NRCAM: variants seen among roughly 807,000 people sequenced by gnomAD.
NRCAM encodes neuronal cell adhesion molecule, also known as NgCAM-related cell adhesion molecule.
In NRCAM, 83 loss-of-function variants were observed where a neutral mutation model predicts 156.5. The observed-to-expected ratio is 0.53, with a 90% CI of 0.44 to 0.64. NRCAM has a LOEUF of 0.64. Ranked by LOEUF, NRCAM falls within the 30% of genes least tolerant of loss-of-function variation. The pLI, the probability that NRCAM is intolerant of heterozygous loss-of-function variation, is 0.00. For synonymous variants in NRCAM, 538 were observed against 563.9 expected (o/e 0.95, Z 0.65); for missense variants, 1,417 against 1,597.3 (o/e 0.89, Z 1.92).
chr7:108,265,835 T>A (rs2154019961), intron 3 of NRCAM, among the ~76,000 whole-genome samples: 1 of 152,342 alleles, frequency 6.6e-6, no homozygotes, highest in Non-Finnish European at 1.5e-5. Context: ...AGCATTCTCT[T>A]TTAATCATGC....
At chr7:108,433,480 T>G (rs76584000) in intron 1 of NRCAM, among the ~76,000 whole-genome samples, 1 of 152,162 alleles carries the variant, frequency 6.6e-6, no homozygotes, top group African/African-American at 2.4e-5. Context: ...ACGTTGAAAT[T>G]TGATCCCCAA....
chr7:108,456,528 T>C (rs1857571560), upstream of NRCAM: 2 of 150,946 alleles, frequency 1.3e-5, no homozygotes, highest in Non-Finnish European at 3.0e-5. Context: ...CTCCTTAGCG[T>C]CCTCCCGTCC....
intron 1 of NRCAM, among the ~76,000 whole-genome samples, chr7:108,420,521 A>AG (rs766009492): frequency 2.6e-5 from 4 of 152,114 alleles, no homozygotes; most frequent in Admixed American, 6.5e-5. Flanking sequence ...GTCCTTTACA[A>AG]GGGGGGGAGT....
intron 3 of NRCAM, among the ~76,000 whole-genome samples, chr7:108,254,125 T>C (rs1590158167): frequency 6.6e-6 from 1 of 152,184 alleles, no homozygotes; most frequent in Admixed American, 6.5e-5. Context: ...AGAAAAAAAC[T>C]GATAAACTTA....
At chr7:108,334,122 G>C (rs979694985) in intron 2 of NRCAM, among the ~76,000 whole-genome samples, 5 of 152,094 alleles carry the variant, frequency 3.3e-5, no homozygotes, top group Admixed American at 1.3e-4. Context: ...ACAACATCAA[G>C]AATTTTTGAA....
chr7:108,389,022 G>C (rs2099750893), intron 2 of NRCAM, among the ~76,000 whole-genome samples: 1 of 152,128 alleles, frequency 6.6e-6, no homozygotes, highest in Admixed American at 6.5e-5. Context: ...TTTTGACTTA[G>C]GTTTTTCTTG....
intron 30 of NRCAM, among the ~76,000 whole-genome samples, chr7:108,162,772 T>C (rs1247171670): frequency 6.6e-6 from 1 of 152,200 alleles, no homozygotes; most frequent in Non-Finnish European, 1.5e-5. Flanking sequence ...AATATGGTAA[T>C]AGGTGCATGT....
intron 2 of NRCAM, among the ~76,000 whole-genome samples, chr7:108,337,849 A>AC (rs1214716263): frequency 6.6e-6 from 1 of 152,158 alleles, no homozygotes; most frequent in African/African-American, 2.4e-5. Flanking sequence ...ACATTTAGCG[A>AC]CCACGAAGGG....
intron 11 of NRCAM, among the ~76,000 whole-genome samples, chr7:108,217,203 T>C (rs1050482949): frequency 7.2e-5 from 11 of 152,232 alleles, no homozygotes; most frequent in Admixed American, 5.2e-4. Context: ...TGGAGTTTGC[T>C]GGAGGTCCAC....
At chr7:108,319,405 A>G (rs1011357961) in intron 2 of NRCAM, among the ~76,000 whole-genome samples, 2 of 152,204 alleles carry the variant, frequency 1.3e-5, no homozygotes, top group African/African-American at 4.8e-5. Context: ...CCCTGCCCTC[A>G]TAGAGCATTT....
At chr7:108,208,669 C>CTTGACACT (rs1258826919) in intron 12 of NRCAM, among the ~76,000 whole-genome samples, 1 of 152,116 alleles carries the variant, frequency 6.6e-6, no homozygotes. Context: ...CTTTTGTGAC[C>CTTGACACT]TTGACACTTT....
At chr7:108,206,694 G>T (rs1488635418) in intron 13 of NRCAM, among the ~76,000 whole-genome samples, 5 of 152,286 alleles carry the variant, frequency 3.3e-5, no homozygotes, top group African/African-American at 7.2e-5. Context: ...TCCATTTAAA[G>T]ATTTTTTCTT....
chr7:108,331,239 A>G (rs2099123370), intron 2 of NRCAM, among the ~76,000 whole-genome samples: 1 of 151,986 alleles, frequency 6.6e-6, no homozygotes, highest in African/African-American at 2.4e-5. Flanking sequence ...TCTCTATATA[A>G]AAAAGAAAAT....
Position 108,399,559 on chromosome 7 carries a change from A to T in NRCAM, c.-297T>A, listed in dbSNP as rs1034729466. ...TGTCGAAGTCTTCAGCAAACAGGGG[A>T]TAAAGAATGCTGAGAGAGAATGTCA... On this transcript the variant is annotated 5_prime_UTR_variant, in exon 2 of 33. Coordinates refer to ENST00000379028, the MANE Select transcript of NRCAM (RefSeq NM_001037132.4). 6.6e-6 allele frequency: 1 copy of T among 152,212 alleles called. No individual in the cohort carries two copies. Among genetic ancestry groups the T allele is most frequent in the African/African-American group, 2.4e-5 (1 of 41,450 alleles). 9.4% of individuals were successfully genotyped at this position (152,212 alleles called of 1,614,324 possible). A position where few individuals can be genotyped will look rare whatever the true frequency, so the allele number is the denominator to read the frequency against.
intron 3 of NRCAM, among the ~76,000 whole-genome samples, chr7:108,255,941 C>T (rs561021388): frequency 1.7e-4 from 26 of 151,442 alleles, no homozygotes; most frequent in African/African-American, 6.3e-4. Context: ...CAGCCAGCCG[C>T]CCTGTCCGGG....
rs1444798779 is a variant in NRCAM at position 108,298,204 on chromosome 7, C to A, written c.-107+14461G>T. ...ATAATCATATTAAAAGAAACAAGTA[C>A]ATATTTAACATGATCATTGTCTAGA... is the stretch of plus-strand genomic sequence containing the variant. On this transcript the variant is annotated intron_variant, in intron 3 of 32. Transcript: ENST00000379028. Among the ~76,000 whole-genome samples, 5 of 152,132 alleles carry A rather than the reference C, an allele frequency of 3.3e-5. No homozygotes were observed. In the East Asian group the frequency reaches 7.7e-4, roughly 23 times the overall value.
intron 25 of NRCAM, among the ~76,000 whole-genome samples, chr7:108,178,664 C>A (rs1259158392): frequency 1.3e-5 from 2 of 150,462 alleles, no homozygotes; most frequent in Admixed American, 1.3e-4. Context: ...CCTTGGCACA[C>A]CCCCAGCCCT....
chr7:108,430,418 A>G (rs1000482859), intron 1 of NRCAM, among the ~76,000 whole-genome samples: 2 of 152,154 alleles, frequency 1.3e-5, no homozygotes, highest in African/African-American at 4.8e-5. Flanking sequence ...TTCAGAAGGT[A>G]GAACAAACAG....
At chr7:108,328,802 G>A (rs1288109578) in intron 2 of NRCAM, 1 of 152,346 alleles carries the variant, frequency 6.6e-6, no homozygotes, top group Middle Eastern at 3.4e-3. Flanking sequence ...ATGAGGGGGA[G>A]ATTGTAAAGC....
Sources: allele counts gnomAD v4.1 joint callset (sites outside exome capture counted in the v4.1 genomes callset), GRCh38; gene constraint gnomAD v4.1.1; transcripts MANE v1.5; gene names NCBI Gene and HGNC (gene_info 2026-07-23, HGNC 2026-07-21).